Variants in KCNT2 observed in about 807,000 individuals in gnomAD.
KCNT2 encodes the protein potassium channel subfamily T member 2.
In KCNT2, 67 loss-of-function variants were observed where a neutral mutation model predicts 153.8. The ratio of observed to expected loss-of-function variants is 0.44; its 90% CI spans 0.36 to 0.53. The LOEUF (loss-of-function observed/expected upper bound fraction) is 0.53, where lower values mean the gene tolerates loss of function less well. KCNT2 is among the 20% of genes least tolerant of loss of function. KCNT2 has a pLI of 0.00. For synonymous variants in KCNT2, 500 were observed against 458.8 expected (o/e 1.09, Z -1.15); for missense variants, 975 against 1,354.8 (o/e 0.72, Z 4.40).
intron 14 of KCNT2, among the ~76,000 whole-genome samples, chr1:196,364,429 T>C (rs1667876600): frequency 6.6e-6 from 1 of 152,150 alleles, no homozygotes; most frequent in South Asian, 2.1e-4. Context: ...CATATGAAAT[T>C]ACAGAATCAC....
intron 8 of KCNT2, among the ~76,000 whole-genome samples, chr1:196,441,788 C>A (rs180810172): frequency 4.0e-5 from 6 of 151,766 alleles, no homozygotes; most frequent in Admixed American, 6.6e-5. Flanking sequence ...AGCTTTTAAT[C>A]ATGTAGTGTG....
At position 196,589,551 on chromosome 1, in the gene KCNT2, C is replaced by G. The variant is rs192552933; in HGVS notation, c.95+18664G>C. Reference sequence around the variant, plus strand: ...AACCGTCTCTCTTTGGGGAGTTTACCAAACCAAAAACCAATCCCTCTGAGG... The same window carrying G: ...AACCGTCTCTCTTTGGGGAGTTTACGAAACCAAAAACCAATCCCTCTGAGG... On this transcript the variant is annotated intron_variant, in intron 1 of 27. Coordinates refer to ENST00000294725, the MANE Select transcript of KCNT2 (RefSeq NM_198503.5). 2.0e-5 allele frequency among the ~76,000 whole-genome samples: 3 copies of G among 151,978 alleles called. No homozygotes were observed. The East Asian group carries it at 5.8e-4, about 29-fold the overall frequency.
At position 196,500,311 on chromosome 1, in the gene KCNT2, AGGGAGGGAGG is replaced by A. The variant is rs1230189016; in HGVS notation, c.96-7980_96-7971del. Among the ~76,000 whole-genome samples, 13 of 60,598 alleles carry A rather than the reference AGGGAGGGAGG, an allele frequency of 2.1e-4. 1 individual carries two copies. The South Asian group carries it at 7.2e-3, about 34-fold the overall frequency. 39.8% of individuals were successfully genotyped at this position (60,598 alleles called of 152,430 possible). ...GAGGGAGGGAGGGAGGGAGGGAGGGAGGGAGGGAGGGAAAGAAAGAAAAAGAAACGTTCAT... is the reference window on the plus strand; with the variant it reads ...GAGGGAGGGAGGGAGGGAGGGAGGGAGAAAGAAAGAAAAAGAAACGTTCAT... On this transcript the variant is annotated intron_variant, in intron 1 of 27. Transcript: ENST00000294725.
intron 25 of KCNT2, chr1:196,273,551 G>A (rs1031930168): frequency 1.8e-5 from 21 of 1,186,794 alleles, no homozygotes; most frequent in African/African-American, 1.1e-4. Context: ...CTAAACAATA[G>A]ATGCATGCCA....
At chr1:196,292,563 T>C in intron 22 of KCNT2, among the ~76,000 whole-genome samples, 1 of 151,990 alleles carries the variant, frequency 6.6e-6, no homozygotes, top group East Asian at 1.9e-4. Context: ...TCCCAGCACT[T>C]TGGGAGGCCG....
At chr1:196,424,680 T>C (rs1004896270) in intron 11 of KCNT2, among the ~76,000 whole-genome samples, 1 of 151,974 alleles carries the variant, frequency 6.6e-6, no homozygotes, top group Non-Finnish European at 1.5e-5. Context: ...CTGTTTTTTT[T>C]TCAGAAGTTG....
intron 1 of KCNT2, among the ~76,000 whole-genome samples, chr1:196,496,467 C>CA (rs548990555): frequency 0.011 from 649 of 61,036 alleles, 13 homozygotes; most frequent in Middle Eastern, 0.034. Context: ...GACTCTGTCT[C>CA]AAAAAAAAAA....
At chr1:196,312,794 T>A (rs896032224) in intron 21 of KCNT2, among the ~76,000 whole-genome samples, 13 of 151,740 alleles carry the variant, frequency 8.6e-5, no homozygotes, top group African/African-American at 3.1e-4. Context: ...CCCGCATGCA[T>A]AATTAATGTA....
At chr1:196,595,877 A>G (rs1664001639) in intron 1 of KCNT2, among the ~76,000 whole-genome samples, 1 of 151,722 alleles carries the variant, frequency 6.6e-6, no homozygotes, top group African/African-American at 2.4e-5. Flanking sequence ...AGTCCATTAT[A>G]TCACTCGTAG....
intron 21 of KCNT2, among the ~76,000 whole-genome samples, chr1:196,313,849 T>A (rs1304699898): frequency 6.6e-6 from 1 of 151,454 alleles, no homozygotes; most frequent in African/African-American, 2.4e-5. Context: ...TCTAGATTAC[T>A]ATATATATAC....
intron 10 of KCNT2, 121 bp downstream of exon 10, chr1:196,427,981 CCTT>C (rs1673801112): frequency 1.6e-6 from 1 of 607,622 alleles, no homozygotes; most frequent in Non-Finnish European, 2.8e-6. Context: ...TTCATTTACT[CCTT>C]CTATATTTGG....
intron 13 of KCNT2, among the ~76,000 whole-genome samples, chr1:196,394,375 G>A (rs1001683222): frequency 2.0e-5 from 3 of 151,568 alleles, no homozygotes; most frequent in African/African-American, 7.3e-5. Flanking sequence ...TTGTGATGCC[G>A]CTGTGGATTA....
chr1:196,545,388 G>C (rs1656941991), intron 1 of KCNT2, among the ~76,000 whole-genome samples: 1 of 152,024 alleles, frequency 6.6e-6, no homozygotes, highest in African/African-American at 2.4e-5. Context: ...AAAAGAGAAA[G>C]TGCATTCACA....
At chr1:196,527,102 C>G (rs969936300) in intron 1 of KCNT2, among the ~76,000 whole-genome samples, 1 of 152,102 alleles carries the variant, frequency 6.6e-6, no homozygotes. Context: ...AGTTTCATGC[C>G]AAAACTGTGC....
chr1:196,250,171 A>G (rs180868478), intron 26 of KCNT2, among the ~76,000 whole-genome samples: 29 of 152,258 alleles, frequency 1.9e-4, no homozygotes, highest in African/African-American at 6.7e-4. Flanking sequence ...AAACTGGCAG[A>G]ATCACATTAC....
intron 22 of KCNT2, among the ~76,000 whole-genome samples, chr1:196,302,624 TA>T (rs1047806375): frequency 2.0e-5 from 3 of 152,124 alleles, no homozygotes; most frequent in Admixed American, 6.6e-5. Flanking sequence ...ACCCTTTTAA[TA>T]AAAATGTCAG....
intron 16 of KCNT2, among the ~76,000 whole-genome samples, chr1:196,335,019 A>G (rs1438971436): frequency 6.6e-6 from 1 of 152,168 alleles, no homozygotes; most frequent in African/African-American, 2.4e-5. Context: ...AGGCAGAAGA[A>G]GCAATTCCCT....
chr1:196,499,135 A>G (rs541655506), intron 1 of KCNT2, among the ~76,000 whole-genome samples: 1 of 152,320 alleles, frequency 6.6e-6, no homozygotes, highest in South Asian at 2.1e-4. Context: ...AAACTCAAGG[A>G]ACACCTGGGA....
At chr1:196,239,691 A>T (rs541028750) in intron 26 of KCNT2, among the ~76,000 whole-genome samples, 1 of 152,200 alleles carries the variant, frequency 6.6e-6, no homozygotes, top group African/African-American at 2.4e-5. Flanking sequence ...AAATTTAAAT[A>T]TTTTGTATAT....
Sources: allele counts gnomAD v4.1 joint callset (sites outside exome capture counted in the v4.1 genomes callset), GRCh38; gene constraint gnomAD v4.1.1; transcripts MANE v1.5; gene names NCBI Gene and HGNC (gene_info 2026-07-23, HGNC 2026-07-21).